PHF21B: variants seen among roughly 807,000 people sequenced by gnomAD.
PHF21B encodes PHD finger protein 21B, also known as PHD finger protein 4.
Under a neutral mutation model 62.2 loss-of-function variants are expected in PHF21B, and 22 were observed. The ratio of observed to expected loss-of-function variants is 0.35; its 90% CI spans 0.25 to 0.51. The LOEUF is 0.51. Among genes scored for constraint, PHF21B ranks in the 20% least tolerant of loss-of-function variants. PHF21B has a pLI of 0.97. For synonymous variants in PHF21B, 341 were observed against 314.7 expected, an observed-to-expected ratio of 1.08 and a Z score of -0.88; for missense variants, 701 against 707.9, an observed-to-expected ratio of 0.99 and a Z score of 0.11.
intron 2 of PHF21B, among the ~76,000 whole-genome samples, chr22:44,986,245 CCAT>C (rs1206247583): frequency 2.6e-5 from 4 of 151,252 alleles, no homozygotes; most frequent in African/African-American, 4.9e-5. Context: ...ATTATGACAA[CCAT>C]CATCACCACC....
intron 2 of PHF21B, among the ~76,000 whole-genome samples, chr22:45,000,402 G>A (rs1399043878): frequency 6.6e-6 from 1 of 152,126 alleles, no homozygotes; most frequent in Non-Finnish European, 1.5e-5. Flanking sequence ...GATGGGGCGA[G>A]TAGCAGCCTC....
At chr22:44,892,164 CT>C (rs1328426697) in intron 7 of PHF21B, among the ~76,000 whole-genome samples, 3 of 152,232 alleles carry the variant, frequency 2.0e-5, no homozygotes, top group Non-Finnish European at 4.4e-5. Context: ...CCCTCCCTGT[CT>C]GGAGAACACA....
rs559727315 is a variant in PHF21B, at chr22:44,934,224, T to C, written c.121-13734A>G. ...CTTCCTCCTGACTCTCAGGTGCCGCTGGCCCTCACCTGCACCTCACCCACC... is the reference window on the plus strand; with the variant it reads ...CTTCCTCCTGACTCTCAGGTGCCGCCGGCCCTCACCTGCACCTCACCCACC... On this transcript the variant is annotated intron_variant, in intron 2 of 12. Coordinates refer to ENST00000313237, the MANE Select transcript of PHF21B (RefSeq NM_138415.5). Among the ~76,000 whole-genome samples, 27 of 152,268 alleles carry C rather than the reference T, an allele frequency of 1.8e-4. 1 individual carries two copies. In the South Asian group the frequency reaches 4.8e-3, roughly 27 times the overall value.
rs192033391 is a variant in PHF21B, at chr22:44,904,871, C to G, written c.832-8788G>C. Among the ~76,000 whole-genome samples, 70 of 152,084 alleles carry G rather than the reference C, an allele frequency of 4.6e-4. 7 individuals carry two copies. Among genetic ancestry groups the G allele is most frequent in the Non-Finnish European group, 9.1e-4 (62 of 67,986 alleles). On this transcript the variant is annotated intron_variant, in intron 5 of 12. Coordinates refer to ENST00000313237, the MANE Select transcript of PHF21B (RefSeq NM_138415.5). ...CTTAGACAGGGCTGGGTCAGGTTGG[C>G]AGCAACTTTCCCTCGGCAGTCTGCA...
At chr22:44,943,001 C>T (rs1247210999) in intron 2 of PHF21B, among the ~76,000 whole-genome samples, 1 of 151,146 alleles carries the variant, frequency 6.6e-6, no homozygotes, top group East Asian at 1.9e-4. Context: ...AGGGACCCCC[C>T]CCCCCCCATC....
chr22:44,961,892 A>G (rs180857929), intron 2 of PHF21B, among the ~76,000 whole-genome samples: 67 of 148,084 alleles, frequency 4.5e-4, no homozygotes, highest in Admixed American at 1.1e-3. Flanking sequence ...AAATAAATAA[A>G]TAAGTATAAT....
At chr22:44,913,481 G>A (rs549200503) in intron 5 of PHF21B, among the ~76,000 whole-genome samples, 1 of 152,334 alleles carries the variant, frequency 6.6e-6, no homozygotes, top group Non-Finnish European at 1.5e-5. Context: ...TGTGAGGAAG[G>A]AGGCCCTGCC....
intron 2 of PHF21B, among the ~76,000 whole-genome samples, chr22:44,948,864 G>A (rs939147610): frequency 1.3e-5 from 2 of 152,186 alleles, no homozygotes; most frequent in Non-Finnish European, 2.9e-5. Context: ...TAGGGCCACT[G>A]TCATTTGCAG....
chr22:44,903,875 T>C (rs528766151), intron 5 of PHF21B, among the ~76,000 whole-genome samples: 131 of 152,330 alleles, frequency 8.6e-4, no homozygotes, highest in Middle Eastern at 3.4e-3. Flanking sequence ...CACAACTGGA[T>C]TGTGTTGTTT....
intron 5 of PHF21B, among the ~76,000 whole-genome samples, chr22:44,897,860 G>A (rs2071087626): frequency 6.6e-6 from 1 of 150,436 alleles, no homozygotes; most frequent in African/African-American, 2.5e-5. Flanking sequence ...CCAGGCTGGA[G>A]TACAGTGGCA....
At chr22:44,943,192 C>T (rs1290690618) in intron 2 of PHF21B, among the ~76,000 whole-genome samples, 2 of 152,154 alleles carry the variant, frequency 1.3e-5, no homozygotes, top group South Asian at 4.1e-4. Context: ...CCCGCTCCCC[C>T]AAGCCTGGAG....
At position 44,998,030 on chromosome 22, in the gene PHF21B, A is replaced by G. The variant is rs186701759; in HGVS notation, c.120+10515T>C. ...CAAACTTGGGCTAGGTGATGGCTGC[A>G]GGGACTCCTGATTCTCCAGGGACAC... On this transcript the variant is annotated intron_variant, in intron 2 of 12. Coordinates refer to ENST00000313237, the MANE Select transcript of PHF21B (RefSeq NM_138415.5). Among the ~76,000 whole-genome samples the G allele has an allele frequency of 1.1e-3, 171 of 152,354 alleles. 2 individuals are homozygous for G. Among genetic ancestry groups the G allele is most frequent in the Non-Finnish European group, 4.0e-4 (27 of 68,026 alleles).
At chr22:44,956,116 T>TG (rs939069741) in intron 2 of PHF21B, among the ~76,000 whole-genome samples, 8 of 152,128 alleles carry the variant, frequency 5.3e-5, no homozygotes, top group Admixed American at 3.9e-4. Context: ...GACACAGCGG[T>TG]GGGAGCACAG....
chr22:44,984,710 G>T (rs779097177), intron 2 of PHF21B, among the ~76,000 whole-genome samples: 2 of 152,216 alleles, frequency 1.3e-5, no homozygotes, highest in African/African-American at 2.4e-5. Context: ...AAGGTGATAG[G>T]ACTGCTTATC....
At chr22:44,932,662 C>T (rs994039789) in intron 2 of PHF21B, among the ~76,000 whole-genome samples, 3 of 152,240 alleles carry the variant, frequency 2.0e-5, no homozygotes, top group Admixed American at 1.3e-4. Context: ...CACCACGGAA[C>T]GCTGATGACG....
rs2073383680 is a variant in PHF21B at position 45,009,342 on chromosome 22, C to G, written c.54+154G>C. The stretch of plus-strand genomic sequence containing the variant: ...GCGGAGGGGAGCCCAGAAGGGGGTC[C>G]GCGCGTGTGCTCACTCCCTCGCCCC... On this transcript the variant is annotated intron_variant, in intron 1 of 12. Transcript: ENST00000313237. This position sits in a 1 kb window ranked among gnomAD's most constrained non-coding sequence, Gnocchi z 5.9. 1.3e-6 allele frequency: 1 copy of G among 761,354 alleles called. No individual in the cohort carries two copies. The highest frequency in any genetic ancestry group is 2.0e-6 in the Non-Finnish European group (1 of 496,656). 47.2% of individuals were successfully genotyped at this position (761,354 alleles called of 1,614,324 possible). A position where few individuals can be genotyped will look rare whatever the true frequency, so the allele number is the denominator to read the frequency against.
intron 1 of PHF21B, 135 bp from the exon 2 acceptor site, chr22:45,008,745 C>T (rs986457329): frequency 2.6e-6 from 3 of 1,153,004 alleles, no homozygotes; most frequent in Non-Finnish European, 3.2e-6. Flanking sequence ...TTTCCCGGGC[C>T]GCGTCCTGCA....
At chr22:44,913,713 G>A (rs900852068) in intron 5 of PHF21B, 109 bp downstream of exon 5, 51 of 1,419,986 alleles carry the variant, frequency 3.6e-5, no homozygotes, top group South Asian at 1.1e-4. Context: ...CTGTGCCCAC[G>A]GCTTGTCGGG....
At position 44,922,784 on chromosome 22, in the gene PHF21B, C is replaced by T. The variant is rs77301824; in HGVS notation, c.121-2294G>A. Among the ~76,000 whole-genome samples the T allele has an allele frequency of 3.4e-3, 519 of 152,272 alleles. 5 individuals are homozygous for T. Among genetic ancestry groups the T allele is most frequent in the African/African-American group, 0.012 (488 of 41,558 alleles). On this transcript the variant is annotated intron_variant, in intron 2 of 12. Coordinates refer to ENST00000313237, the MANE Select transcript of PHF21B (RefSeq NM_138415.5). ...TGACAATAGCTATATAAGACCTGTA[C>T]ACTGGAAACTTCCAAATATCGCCAA...
Sources: gnomAD v4.1 joint callset for allele counts (sites outside exome capture counted in the v4.1 genomes callset) on GRCh38, gnomAD v4.1.1 for gene constraint, Gnocchi (gnomAD v3.1) non-coding constraint, MANE v1.5 for transcripts, NCBI Gene and HGNC (gene_info 2026-07-23, HGNC 2026-07-21) for gene names.